The following CACNG7 variants were observed in gnomAD, a reference collection of about 807,000 sequenced individuals.
The protein encoded by CACNG7 is calcium voltage-gated channel auxiliary subunit gamma 7, also known as voltage-dependent calcium channel gamma-7 subunit.
In CACNG7, 9 loss-of-function variants were observed where a neutral mutation model predicts 26.3. The ratio of observed to expected loss-of-function variants is 0.34; its 90% CI spans 0.21 to 0.60. The LOEUF is 0.60. Ranked by LOEUF, CACNG7 falls within the 20% of genes least tolerant of loss-of-function variation. The probability of loss-of-function intolerance (pLI) is 0.81; values close to 1 mark genes in which losing one functional copy is unlikely to be tolerated. For synonymous variants in CACNG7, 170 were observed against 157.0 expected (o/e 1.08, Z -0.62); for missense variants, 297 against 380.4 (o/e 0.78, Z 1.82).
In CACNG7 at chr19:53,913,066, C is replaced by T. The variant is rs747290529; in HGVS notation, c.196+39C>T. On this transcript the variant is annotated intron_variant, in intron 2 of 5. Coordinates refer to ENST00000391767, the MANE Select transcript of CACNG7 (RefSeq NM_031896.5). ...CCGTCTTCCACTCAACAGTTTCTGCCTTGCCTGGGGTCTGAGAGTCTTAGC... is the reference window on the plus strand; with the variant it reads ...CCGTCTTCCACTCAACAGTTTCTGCTTTGCCTGGGGTCTGAGAGTCTTAGC... The T allele has an allele frequency of 3.8e-6, 6 of 1,572,808 alleles. No homozygotes were observed. The African/African-American group carries it at 8.1e-5, about 21-fold the overall frequency.
In CACNG7 at chr19:53,937,671, A is replaced by G. The variant is rs949317750; in HGVS notation, c.425-3799A>G. On this transcript the variant is annotated intron_variant, in intron 4 of 5. Transcript: ENST00000391767. ...AGTGGCACGATCTTGACTCATTGCAACCTCTGCTTCCTGGGTTCAAGTAAT... is the reference window on the plus strand; with the variant it reads ...AGTGGCACGATCTTGACTCATTGCAGCCTCTGCTTCCTGGGTTCAAGTAAT... Among the ~76,000 whole-genome samples, 4 of 136,138 alleles carry G rather than the reference A, an allele frequency of 2.9e-5. No homozygotes were observed. In the East Asian group the frequency reaches 6.5e-4, roughly 22 times the overall value. The allele number at this position is 136,138 out of a possible 152,430, so 89.3% of individuals were successfully genotyped here. A position where few individuals can be genotyped will look rare whatever the true frequency, so the allele number is the denominator to read the frequency against.
rs1568774559 is a variant in CACNG7 at position 53,921,632 on chromosome 19, C to CTG, written c.424+6127_424+6128insTG. On this transcript the variant is annotated intron_variant, in intron 4 of 5. Coordinates refer to ENST00000391767, the MANE Select transcript of CACNG7 (RefSeq NM_031896.5). The stretch of plus-strand genomic sequence containing the variant: ...CCCCAGGTCTGGTCATTGGTGGAGT[C>CTG]GTCCCCAGGTCTGGTCATTGGTGGA... 3.2e-4 allele frequency among the ~76,000 whole-genome samples: 11 copies of CTG among 33,918 alleles called. 4 individuals carry two copies. In the African/African-American group the frequency reaches 4.2e-3, roughly 13 times the overall value. The allele number at this position is 33,918 out of a possible 152,430, so 22.3% of individuals were successfully genotyped here. A position where few individuals can be genotyped will look rare whatever the true frequency, so the allele number is the denominator to read the frequency against.
rs768543537 is a variant in CACNG7, at chr19:53,915,504, G to A, written c.423G>A (p.Ser141=). 2.5e-6 allele frequency: 4 copies of A among 1,614,012 alleles called. No individual in the cohort carries two copies. Among genetic ancestry groups the A allele is most frequent in the Admixed American group, 1.7e-5 (1 of 60,004 alleles). The part of the protein sequence containing the change: ...AFVSGIFFIL[S]GLSLVVGLVL... ...TCTCTGGCATCTTCTTCATACTATC[G>A]GGTGAGCCTAAGGACTTGGGGGTTG... Residue 141 remains serine (S), a splice_region_variant and synonymous_variant, in exon 4 of 6, where the codon TCG becomes TCA. Coordinates refer to ENST00000391767, the MANE Select transcript of CACNG7 (RefSeq NM_031896.5).
rs974350162 is a variant in CACNG7 at position 53,941,635 on chromosome 19, G to C, written c.570+20G>C. 2 of 1,608,034 alleles carry C rather than the reference G, an allele frequency of 1.2e-6. No homozygotes were observed. Among genetic ancestry groups the C allele is most frequent in the African/African-American group, 2.7e-5 (2 of 74,552 alleles). On this transcript the variant is annotated intron_variant, in intron 5 of 5. Coordinates refer to ENST00000391767, the MANE Select transcript of CACNG7 (RefSeq NM_031896.5). Reference sequence around the variant, plus strand: ...AAAGAGGTGACGTCCGTGGGACCTAGACTCTAGAGTTCTGAATGGAGAGAG... The same window carrying C: ...AAAGAGGTGACGTCCGTGGGACCTACACTCTAGAGTTCTGAATGGAGAGAG...
intron 4 of CACNG7, among the ~76,000 whole-genome samples, chr19:53,916,471 C>T (rs1013047246): frequency 3.5e-5 from 5 of 144,120 alleles, no homozygotes; most frequent in Admixed American, 2.1e-4. Flanking sequence ...TCCAGCAATG[C>T]CTTTTTTCTT....
At chr19:53,941,717 C>T in intron 5 of CACNG7, 102 bp downstream of exon 5, 7 of 1,408,726 alleles carry the variant, frequency 5.0e-6, no homozygotes, top group Non-Finnish European at 6.8e-6. Flanking sequence ...GATGCAGACT[C>T]TGGCGTCAGA....
At chr19:53,920,375 T>C (rs577209604) in intron 4 of CACNG7, among the ~76,000 whole-genome samples, 2 of 111,500 alleles carry the variant, frequency 1.8e-5, no homozygotes, top group East Asian at 4.6e-4. Context: ...ATTGGTGGAG[T>C]TGCCTCAGGT....
intron 4 of CACNG7, among the ~76,000 whole-genome samples, chr19:53,935,125 T>C (rs139482488): frequency 7.2e-5 from 11 of 152,210 alleles, no homozygotes; most frequent in Non-Finnish European, 1.6e-4. Context: ...ACAAAAAATA[T>C]ATATGTACAC....
At chr19:53,941,654 G>A in intron 5 of CACNG7, 39 bp downstream of exon 5, 1 of 1,594,372 alleles carries the variant, frequency 6.3e-7, no homozygotes, top group Non-Finnish European at 8.5e-7. Context: ...GTTCTGAATG[G>A]AGAGAGGTCT....
intron 4 of CACNG7, among the ~76,000 whole-genome samples, chr19:53,936,420 G>A (rs533413852): frequency 2.1e-4 from 32 of 152,250 alleles, no homozygotes; most frequent in South Asian, 6.2e-4. Context: ...TCCAGCAATC[G>A]AGCATCCCCT....
At chr19:53,932,834 C>CTTTT (rs534782031) in intron 4 of CACNG7, among the ~76,000 whole-genome samples, 3 of 136,876 alleles carry the variant, frequency 2.2e-5, no homozygotes, top group Admixed American at 7.4e-5. Flanking sequence ...TTTCTCTCTC[C>CTTTT]TTTTTTTTTT....
chr19:53,923,540 G>A (rs1334368133), intron 4 of CACNG7, among the ~76,000 whole-genome samples: 2 of 135,100 alleles, frequency 1.5e-5, no homozygotes, highest in Non-Finnish European at 3.3e-5. Flanking sequence ...CTGGTCATTG[G>A]TGGAGTTGTC....
Position 53,909,976 on chromosome 19 carries a change from T to TGGGAGAAAGA in CACNG7, c.-30+467_-30+476dup, listed in dbSNP as rs2068852474. ...TCAAATGCCTGAATCCGGGAAAGGG[T>TGGGAGAAAGA]GGGAGAAAGAGGGAGAAGAGGAGGC... On this transcript the variant is annotated intron_variant, in intron 1 of 5. Coordinates refer to ENST00000391767, the MANE Select transcript of CACNG7 (RefSeq NM_031896.5). This position sits in a 1 kb window ranked among gnomAD's most constrained non-coding sequence, Gnocchi z 5.1. Among the ~76,000 whole-genome samples the TGGGAGAAAGA allele has an allele frequency of 6.8e-6, 1 of 147,820 alleles. No homozygotes were observed. Among genetic ancestry groups the TGGGAGAAAGA allele is most frequent in the South Asian group, 2.2e-4 (1 of 4,588 alleles).
intron 4 of CACNG7, among the ~76,000 whole-genome samples, chr19:53,916,728 G>A (rs1471618459): frequency 1.4e-5 from 2 of 147,716 alleles, no homozygotes; most frequent in African/African-American, 5.0e-5. Context: ...TCAAACTCCC[G>A]ACCGCAGGTG....
In CACNG7 at chr19:53,923,194, G is replaced by GA. The variant is rs1568776045; in HGVS notation, c.424+7689_424+7690insA. Among the ~76,000 whole-genome samples the GA allele has an allele frequency of 1.4e-4, 10 of 71,468 alleles. 1 individual carries two copies. Among genetic ancestry groups the GA allele is most frequent in the African/African-American group, 3.8e-4 (4 of 10,624 alleles). 46.9% of individuals were successfully genotyped at this position (71,468 alleles called of 152,430 possible). A position where few individuals can be genotyped will look rare whatever the true frequency, so the allele number is the denominator to read the frequency against. On this transcript the variant is annotated intron_variant, in intron 4 of 5. Transcript: ENST00000391767. ...GTTGTCCCAGGTCTGGTCATTGGTG[G>GA]GGTTGTCCCAGGCTCGTCATTGGTG...
rs1350365258 is a variant in CACNG7, at chr19:53,940,177, G to A, written c.425-1293G>A. Among the ~76,000 whole-genome samples the A allele has an allele frequency of 6.6e-6, 1 of 152,174 alleles. No individual in the cohort carries two copies. Among genetic ancestry groups the A allele is most frequent in the Non-Finnish European group, 1.5e-5 (1 of 68,020 alleles). On this transcript the variant is annotated intron_variant, in intron 4 of 5. Transcript: ENST00000391767. The surrounding 1 kb of genome is among the most constrained non-coding windows in gnomAD (Gnocchi z 4.1). ...TACTGTTTAGAGGAAATTTCATCTG[G>A]AGAAAATGATAATCGCCTCTTAGAA...
At chr19:53,929,801 T>C (rs1432901531) in intron 4 of CACNG7, among the ~76,000 whole-genome samples, 4 of 152,120 alleles carry the variant, frequency 2.6e-5, no homozygotes, top group African/African-American at 9.7e-5. Flanking sequence ...GAAAGTGTTA[T>C]GGAAGTTCAG....
chr19:53,935,960 T>C (rs2069102763), intron 4 of CACNG7, among the ~76,000 whole-genome samples: 2 of 152,026 alleles, frequency 1.3e-5, no homozygotes, highest in South Asian at 4.1e-4. Flanking sequence ...CTTTTTACTG[T>C]TACTTTTTCC....
intron 4 of CACNG7, among the ~76,000 whole-genome samples, chr19:53,923,200 T>TCCCAGGCTGGTCATTGGTGGAGTTGC (rs1345708674): frequency 1.8e-5 from 1 of 55,556 alleles, no homozygotes; most frequent in Non-Finnish European, 3.1e-5. Flanking sequence ...GGTGGGGTTG[T>TCCCAGGCTGGTCATTGGTGGAGTTGC]CCCAGGCTCG....
Sources: allele counts gnomAD v4.1 joint callset (sites outside exome capture counted in the v4.1 genomes callset), GRCh38; gene constraint gnomAD v4.1.1; non-coding constraint Gnocchi (gnomAD v3.1); transcripts MANE v1.5; gene names NCBI Gene and HGNC (gene_info 2026-07-23, HGNC 2026-07-21).